The following HNRNPLL variants were observed in gnomAD, a reference collection of about 807,000 sequenced individuals.
HNRNPLL encodes heterogeneous nuclear ribonucleoprotein L like, also known as heterogeneous nuclear ribonucleoprotein L-like.
Under a neutral mutation model 67.1 loss-of-function variants are expected in HNRNPLL, and 25 were observed. That is an observed-to-expected ratio of 0.37 (90% CI 0.27 to 0.52). The LOEUF is 0.52. Among genes scored for constraint, HNRNPLL ranks in the 20% least tolerant of loss-of-function variants. HNRNPLL has a pLI of 0.90. For synonymous variants in HNRNPLL, 267 were observed against 241.7 expected (o/e 1.10, Z -0.97); for missense variants, 542 against 673.9 (o/e 0.80, Z 2.17).
chr2:38,583,881 T>C lies in HNRNPLL; in HGVS notation c.592A>G (p.Ile198Val), dbSNP rs1666628282. The change falls in exon 4 of 13, where the codon ATT becomes GTT. Residue 198 changes from isoleucine (I) to valine (V), a missense_variant. Transcript: ENST00000449105. ...VCNPVGKVQR[I>V]VIFKRNGIQA... ...ATCCCATTTCTCTTGAATATAACAATACGTTGCACTTTGCCAACAGGGTTG... is the reference window on the plus strand; with the variant it reads ...ATCCCATTTCTCTTGAATATAACAACACGTTGCACTTTGCCAACAGGGTTG... 1.3e-6 allele frequency: 2 copies of C among 1,575,316 alleles called. No individual in the cohort carries two copies. The highest frequency in any genetic ancestry group is 1.7e-6 in the Non-Finnish European group (2 of 1,151,262).
intron 1 of HNRNPLL, among the ~76,000 whole-genome samples, chr2:38,594,423 G>C (rs565795700): frequency 2.6e-5 from 4 of 152,176 alleles, no homozygotes; most frequent in South Asian, 2.1e-4. Context: ...GAAATGTCAT[G>C]ATGTTTGAAA....
At chr2:38,568,016 A>C in intron 12 of HNRNPLL, 183 bp downstream of exon 12, 1 of 513,056 alleles carries the variant, frequency 1.9e-6, no homozygotes, top group Non-Finnish European at 3.4e-6. Flanking sequence ...AAGATGCTAA[A>C]TTTTATGGCA....
In HNRNPLL at chr2:38,602,681, C is replaced by T; in HGVS notation, c.-55G>A. 7.7e-6 allele frequency: 11 copies of T among 1,428,228 alleles called. No homozygotes were observed. Among genetic ancestry groups the T allele is most frequent in the Non-Finnish European group, 1.0e-5 (11 of 1,097,492 alleles). 88.5% of individuals were successfully genotyped at this position (1,428,228 alleles called of 1,614,324 possible). A position where few individuals can be genotyped will look rare whatever the true frequency, so the allele number is the denominator to read the frequency against. On this transcript the variant is annotated 5_prime_UTR_variant, in exon 1 of 13. Coordinates refer to ENST00000449105, the MANE Select transcript of HNRNPLL (RefSeq NM_138394.4). The stretch of plus-strand genomic sequence containing the variant: ...CGGGTGGGGGTGGCGGTGGGGCGCG[C>T]GCCTCGGATGCCGCCGGCCAGTCCT...
chr2:38,602,492 C>T lies in HNRNPLL; in HGVS notation c.135G>A (p.Ala45=). The T allele has an allele frequency of 6.5e-7, 1 of 1,545,844 alleles. No homozygotes were observed. Among genetic ancestry groups the T allele is most frequent in the Non-Finnish European group, 8.7e-7 (1 of 1,147,916 alleles). The change falls in exon 1 of 13, where the codon GCG becomes GCA. Residue 45 remains alanine (A), a synonymous_variant. Coordinates refer to ENST00000449105, the MANE Select transcript of HNRNPLL (RefSeq NM_138394.4). ...CGCCATCGCCCCCGCCCCGGGGCGT[C>T]GCTTCCCGGCGGTTCTCGCCTTCCT... ...SAEEGENRRE[A]TPRGGGDGGG... is the part of the protein sequence containing the mutation.
Position 38,563,574 on chromosome 2 carries a change from C to G in HNRNPLL, c.*608G>C, listed in dbSNP as rs1195801819. 1.3e-5 allele frequency: 2 copies of G among 151,948 alleles called. No homozygotes were observed. Among genetic ancestry groups the G allele is most frequent in the Non-Finnish European group, 2.9e-5 (2 of 67,936 alleles). 9.4% of individuals were successfully genotyped at this position (151,948 alleles called of 1,614,324 possible). ...ACAGAGGCATGTCAATACAAATGGA[C>G]AGTGACTTAAAAAAAAATACACCAA... On this transcript the variant is annotated 3_prime_UTR_variant, in exon 13 of 13. Coordinates refer to ENST00000449105, the MANE Select transcript of HNRNPLL (RefSeq NM_138394.4).
chr2:38,582,591 TGA>T, intron 4 of HNRNPLL, among the ~76,000 whole-genome samples: 1 of 151,656 alleles, frequency 6.6e-6, no homozygotes, highest in South Asian at 2.1e-4. Flanking sequence ...ATCACAGACG[TGA>T]GTCACTGCGC....
intron 2 of HNRNPLL, among the ~76,000 whole-genome samples, chr2:38,590,581 T>A (rs1203159366): frequency 6.6e-6 from 1 of 152,238 alleles, no homozygotes; most frequent in Non-Finnish European, 1.5e-5. Context: ...TGTCTATTTT[T>A]GGCAGCAGAT....
rs577634151 is a variant in HNRNPLL at position 38,574,530 on chromosome 2, G to T, written c.875-1103C>A. ...GTTGCACTTGTATATAGGACTAAGGGACAACTGTCATCTATCTACTAAGTG... is the reference window on the plus strand; with the variant it reads ...GTTGCACTTGTATATAGGACTAAGGTACAACTGTCATCTATCTACTAAGTG... On this transcript the variant is annotated intron_variant, in intron 7 of 12. Transcript: ENST00000449105. Among the ~76,000 whole-genome samples the T allele has an allele frequency of 2.6e-5, 4 of 151,728 alleles. No individual in the cohort carries two copies. The South Asian group carries it at 8.3e-4, about 31-fold the overall frequency.
At chr2:38,567,104 TTTTTA>T (rs1389426945) in intron 12 of HNRNPLL, among the ~76,000 whole-genome samples, 4 of 151,998 alleles carry the variant, frequency 2.6e-5, no homozygotes, top group South Asian at 2.1e-4. Flanking sequence ...TCATTTTGTT[TTTTTA>T]TTTTATTTTT....
At chr2:38,564,817 A>G (rs191646245) in intron 12 of HNRNPLL, among the ~76,000 whole-genome samples, 43 of 152,058 alleles carry the variant, frequency 2.8e-4, no homozygotes, top group African/African-American at 9.9e-4. Flanking sequence ...TAAGCAGCAA[A>G]GCTCACATTG....
intron 12 of HNRNPLL, 152 bp from the exon 13 acceptor site, chr2:38,564,389 T>TG: frequency 1.8e-6 from 1 of 540,648 alleles, no homozygotes; most frequent in Non-Finnish European, 3.3e-6. Flanking sequence ...ATTGGCCAGA[T>TG]GCGGTGGCTC....
At position 38,602,603 on chromosome 2, in the gene HNRNPLL, G is replaced by C; in HGVS notation, c.24C>G (p.Pro8=). 3 of 1,563,928 alleles carry C rather than the reference G, an allele frequency of 1.9e-6. No homozygotes were observed. The highest frequency in any genetic ancestry group is 1.2e-5 in the South Asian group (1 of 84,514). Residue 8 remains proline (P), a synonymous_variant, in exon 1 of 13, where the codon CCC becomes CCG. Transcript: ENST00000449105. ...CCCGGTCCTCCTCGTACGTCTCCCT[G>C]GGGGAGGAAGAGGAGGAGGACATGG... The part of the protein sequence containing the change: MSSSSSS[P]RETYEEDREY...
Position 38,602,474 on chromosome 2 carries a change from G to GC in HNRNPLL, c.152dup (p.Asp52ArgfsTer20). ...AGCTCCGGCCGCCGCCGCCGCCATC[G>GC]CCCCCGCCCCGGGGCGTCGCTTCCC... On this transcript the variant is annotated frameshift_variant, in exon 1 of 13. Transcript: ENST00000449105. LOFTEE classifies it high-confidence loss of function. 6.5e-7 allele frequency: 1 copy of GC among 1,540,838 alleles called. No individual in the cohort carries two copies.
intron 12 of HNRNPLL, among the ~76,000 whole-genome samples, chr2:38,567,201 C>T (rs528388505): frequency 6.6e-6 from 1 of 152,308 alleles, no homozygotes; most frequent in East Asian, 1.9e-4. Context: ...CTCCCAGGTT[C>T]AAGCAATTCT....
At chr2:38,591,173 T>C (rs1666945733) in intron 2 of HNRNPLL, among the ~76,000 whole-genome samples, 1 of 152,194 alleles carries the variant, frequency 6.6e-6, no homozygotes, top group East Asian at 1.9e-4. Context: ...GCATCACTAC[T>C]TGAAACTCTG....
At chr2:38,569,984 T>C (rs1666006730) in intron 8 of HNRNPLL, 59 bp from the exon 9 acceptor site, 8 of 1,258,832 alleles carry the variant, frequency 6.4e-6, no homozygotes, top group Non-Finnish European at 9.0e-6. Context: ...GTAAAAGAAA[T>C]TTTAAAACAC....
At chr2:38,581,650 G>A in intron 6 of HNRNPLL, 1 of 517,416 alleles carries the variant, frequency 1.9e-6, no homozygotes, top group African/African-American at 1.9e-5. Context: ...GAGCTGCTTG[G>A]AGAAATGCAA....
intron 12 of HNRNPLL, among the ~76,000 whole-genome samples, chr2:38,567,801 T>C (rs1204678729): frequency 1.3e-5 from 2 of 152,206 alleles, no homozygotes. Flanking sequence ...AAAAGGCCAA[T>C]GTGGCTTGAT....
At chr2:38,583,387 T>C (rs1666611116) in intron 4 of HNRNPLL, among the ~76,000 whole-genome samples, 1 of 152,160 alleles carries the variant, frequency 6.6e-6, no homozygotes, top group Non-Finnish European at 1.5e-5. Context: ...GGAAAGTGTA[T>C]TATCTATACT....
Sources: allele counts gnomAD v4.1 joint callset (sites outside exome capture counted in the v4.1 genomes callset), GRCh38; gene constraint gnomAD v4.1.1; transcripts MANE v1.5; gene names NCBI Gene and HGNC (gene_info 2026-07-23, HGNC 2026-07-21).